The following ERBB4 variants were observed in gnomAD, a reference collection of about 807,000 sequenced individuals.
The protein encoded by ERBB4 is receptor tyrosine-protein kinase erbB-4.
ERBB4 carries 42 observed loss-of-function variants against 158.0 expected under a neutral mutation model. The observed-to-expected ratio is 0.27, with a 90% CI of 0.21 to 0.34. ERBB4 has a LOEUF of 0.34. Among genes scored for constraint, ERBB4 ranks in the 10% least tolerant of loss-of-function variants. The pLI, the probability that ERBB4 is intolerant of heterozygous loss-of-function variation, is 1.00. For missense variants in ERBB4, 1,333 were observed against 1,624.1 expected (o/e 0.82, Z 3.08); for synonymous variants, 583 against 558.7 (o/e 1.04, Z -0.61).
chr2:211,823,341 C>A lies in ERBB4; in HGVS notation c.422-35182G>T, dbSNP rs529941984. On this transcript the variant is annotated intron_variant, in intron 3 of 27. Coordinates refer to ENST00000342788, the MANE Select transcript of ERBB4 (RefSeq NM_005235.3). ...ATGTGGGTTTTGCGATTGTGAGATG[C>A]CAGACCCAAGCTTAATCTAGTATTT... is the stretch of plus-strand genomic sequence containing the variant. 4.6e-5 allele frequency among the ~76,000 whole-genome samples: 7 copies of A among 151,356 alleles called. No individual in the cohort carries two copies. In the South Asian group the frequency reaches 1.5e-3, roughly 32 times the overall value.
At chr2:211,869,608 A>C (rs2078292802) in intron 3 of ERBB4, among the ~76,000 whole-genome samples, 1 of 152,116 alleles carries the variant, frequency 6.6e-6, no homozygotes, top group Non-Finnish European at 1.5e-5. Flanking sequence ...CATATAAGAA[A>C]GTTTTCAGTA....
chr2:211,630,632 T>G (rs2070079964), intron 16 of ERBB4, 38 bp from the exon 17 acceptor site: 1 of 1,561,310 alleles, frequency 6.4e-7, no homozygotes, highest in South Asian at 1.1e-5. Context: ...ATAAAAAGTA[T>G]GAAGAGAGAG....
intron 19 of ERBB4, among the ~76,000 whole-genome samples, chr2:211,577,020 C>A (rs546244364): frequency 6.6e-6 from 1 of 152,188 alleles, no homozygotes; most frequent in African/African-American, 2.4e-5. Flanking sequence ...TTCACTCTGT[C>A]AAAACCTCAA....
chr2:212,234,519 A>G (rs1446206499), intron 1 of ERBB4, among the ~76,000 whole-genome samples: 2 of 152,174 alleles, frequency 1.3e-5, no homozygotes, highest in Non-Finnish European at 2.9e-5. Flanking sequence ...TGCTGGGTCA[A>G]ATGGTATTTC....
chr2:211,639,163 T>C (rs929839734), intron 16 of ERBB4, among the ~76,000 whole-genome samples: 7 of 152,146 alleles, frequency 4.6e-5, no homozygotes, highest in African/African-American at 1.7e-4. Flanking sequence ...ACCATACTAA[T>C]ACAGTAACTT....
chr2:212,086,020 T>C (rs1299438393), intron 2 of ERBB4, among the ~76,000 whole-genome samples: 2 of 152,012 alleles, frequency 1.3e-5, no homozygotes, highest in East Asian at 1.9e-4. Flanking sequence ...TTCCCCAATC[T>C]CTCACATCCT....
chr2:212,235,015 T>C (rs1448192477), intron 1 of ERBB4, among the ~76,000 whole-genome samples: 1 of 152,178 alleles, frequency 6.6e-6, no homozygotes, highest in Non-Finnish European at 1.5e-5. Flanking sequence ...TGCGATGCCA[T>C]TGGTGTTTGT....
intron 2 of ERBB4, among the ~76,000 whole-genome samples, chr2:211,956,454 G>A (rs887093709): frequency 6.6e-6 from 1 of 151,944 alleles, no homozygotes; most frequent in Non-Finnish European, 1.5e-5. Context: ...TGGTTAGGAC[G>A]ATGCAGCCTA....
intron 25 of ERBB4, among the ~76,000 whole-genome samples, chr2:211,402,151 G>A (rs1427898734): frequency 6.6e-6 from 1 of 151,938 alleles, no homozygotes; most frequent in Non-Finnish European, 1.5e-5. Context: ...TTTTTATCAT[G>A]TATAAATATA....
In ERBB4 at chr2:211,625,463, T is replaced by TA. The variant is rs373955486; in HGVS notation, c.2080-1420dup. ...AGCAAGAATTTTAGGAAGAACGTAA[T>TA]AAAAAATTGCCAATAAACTTAGGTT... On this transcript the variant is annotated intron_variant, in intron 17 of 27. Transcript: ENST00000342788. Among the ~76,000 whole-genome samples the TA allele has an allele frequency of 2.0e-4, 30 of 152,296 alleles. No homozygotes were observed. The East Asian group carries it at 5.4e-3, about 27-fold the overall frequency.
chr2:212,118,189 T>G (rs1195214941), intron 2 of ERBB4, among the ~76,000 whole-genome samples: 2 of 152,166 alleles, frequency 1.3e-5, no homozygotes, highest in African/African-American at 2.4e-5. Flanking sequence ...AAGCTAGAAG[T>G]AGGCTAAACG....
intron 20 of ERBB4, among the ~76,000 whole-genome samples, chr2:211,488,533 C>T (rs936778473): frequency 6.6e-6 from 1 of 151,882 alleles, no homozygotes. Context: ...AATGTGAAGC[C>T]TCTCATATGC....
chr2:212,169,078 G>A (rs138525842), intron 1 of ERBB4, among the ~76,000 whole-genome samples: 87 of 152,118 alleles, frequency 5.7e-4, no homozygotes, highest in African/African-American at 1.9e-3. Context: ...TGGAGAATAT[G>A]CAAATCATTG....
chr2:211,395,906 ACCTTCACAGCATTTATCTCCAG>A (rs2062905932), intron 25 of ERBB4, among the ~76,000 whole-genome samples: 1 of 151,922 alleles, frequency 6.6e-6, no homozygotes, highest in Non-Finnish European at 1.5e-5. Flanking sequence ...ATATACTTTT[ACCTTCACAGCATTTATCTCCAG>A]ATCTGTCTAT....
At chr2:211,701,644 G>A (rs1447752078) in intron 12 of ERBB4, among the ~76,000 whole-genome samples, 1 of 151,190 alleles carries the variant, frequency 6.6e-6, no homozygotes, top group Non-Finnish European at 1.5e-5. Context: ...TGTAGTCCCA[G>A]CTACCGGAGG....
intron 1 of ERBB4, among the ~76,000 whole-genome samples, chr2:212,384,529 G>T (rs2090610602): frequency 6.6e-6 from 1 of 151,610 alleles, no homozygotes; most frequent in African/African-American, 2.4e-5. Context: ...TACATTAGCA[G>T]AGAAACTTAT....
intron 1 of ERBB4, among the ~76,000 whole-genome samples, chr2:212,160,200 T>C (rs976632667): frequency 6.6e-6 from 1 of 151,986 alleles, no homozygotes; most frequent in Non-Finnish European, 1.5e-5. Flanking sequence ...CCAATTAGTG[T>C]CACAGTAAGC....
intron 1 of ERBB4, among the ~76,000 whole-genome samples, chr2:212,500,248 G>C (rs1242156369): frequency 2.0e-5 from 3 of 151,988 alleles, no homozygotes; most frequent in Non-Finnish European, 2.9e-5. Flanking sequence ...GCATAATAAG[G>C]ATTCACATAC....
intron 20 of ERBB4, among the ~76,000 whole-genome samples, chr2:211,533,204 A>C (rs2066549366): frequency 6.6e-6 from 1 of 151,886 alleles, no homozygotes; most frequent in Admixed American, 6.6e-5. Flanking sequence ...AAAATTCCTT[A>C]GGTGTATACC....
Sources: gnomAD v4.1 joint callset for allele counts (sites outside exome capture counted in the v4.1 genomes callset) on GRCh38, gnomAD v4.1.1 for gene constraint, MANE v1.5 for transcripts, NCBI Gene and HGNC (gene_info 2026-07-23, HGNC 2026-07-21) for gene names.